Variants in HHIPL1 observed in about 807,000 individuals in gnomAD.
HHIPL1 encodes HHIP like 1, also known as HHIP-like protein 1.
HHIPL1 carries 43 observed loss-of-function variants against 61.8 expected under a neutral mutation model. The ratio of observed to expected loss-of-function variants is 0.70; its 90% CI spans 0.55 to 0.90. The LOEUF (loss-of-function observed/expected upper bound fraction) is 0.90. Ranked by LOEUF, HHIPL1 falls within the 40% of genes least tolerant of loss-of-function variation. The probability of loss-of-function intolerance (pLI) is 0.00; values close to 1 mark genes in which losing one functional copy is unlikely to be tolerated. For synonymous variants in HHIPL1, 482 were observed against 515.8 expected, an observed-to-expected ratio of 0.93 and a Z score of 0.89; for missense variants, 1,056 against 1,157.7, an observed-to-expected ratio of 0.91 and a Z score of 1.28.
the HHIPL1 span, among the ~76,000 whole-genome samples, chr14:99,619,359 G>T: frequency 6.6e-6 from 1 of 151,968 alleles, no homozygotes; most frequent in Non-Finnish European, 1.5e-5. Flanking sequence ...CTACTTGGGA[G>T]GCTGAGGCAG....
chr14:99,619,169 T>G, the HHIPL1 span, among the ~76,000 whole-genome samples: 1 of 152,050 alleles, frequency 6.6e-6, no homozygotes, highest in East Asian at 1.9e-4. Context: ...GACTTAGAGT[T>G]GGCCGGGCAC....
In HHIPL1 at chr14:99,645,206, C is replaced by G; in HGVS notation, c.-2C>G. On this transcript the variant is annotated 5_prime_UTR_variant, in exon 1 of 9. Transcript: ENST00000330710. Reference sequence around the variant, plus strand: ...CCGCCTCTTCCCCCGCGGGGCGTAGCGATGGCCCGGGCCAGGGCCGGGGCG... The same window carrying G: ...CCGCCTCTTCCCCCGCGGGGCGTAGGGATGGCCCGGGCCAGGGCCGGGGCG... 7.8e-7 allele frequency: 1 copy of G among 1,282,696 alleles called. No individual in the cohort carries two copies. Among genetic ancestry groups the G allele is most frequent in the Non-Finnish European group, 9.8e-7 (1 of 1,015,710 alleles). The allele number at this position is 1,282,696 out of a possible 1,614,324, so 79.5% of individuals were successfully genotyped here. A position where few individuals can be genotyped will look rare whatever the true frequency, so the allele number is the denominator to read the frequency against.
the HHIPL1 span, among the ~76,000 whole-genome samples, chr14:99,634,228 C>G: frequency 6.6e-6 from 1 of 152,256 alleles, no homozygotes; most frequent in African/African-American, 2.4e-5. Flanking sequence ...GTGTGCACTT[C>G]TATTGAGGCT....
chr14:99,612,902 G>A, the HHIPL1 span, among the ~76,000 whole-genome samples: 1 of 152,134 alleles, frequency 6.6e-6, no homozygotes, highest in Non-Finnish European at 1.5e-5. Flanking sequence ...ACCTCACAAA[G>A]CCGCCCCACC....
At chr14:99,667,872 C>T (rs35752324) in intron 6 of HHIPL1, among the ~76,000 whole-genome samples, 21,415 of 152,108 alleles carry the variant, frequency 0.14, 1,779 homozygotes, top group East Asian at 0.28. Context: ...CCCTCATGTG[C>T]GCCCAGAGGT....
At chr14:99,661,266 C>T (rs2056146631) in intron 5 of HHIPL1, among the ~76,000 whole-genome samples, 1 of 152,116 alleles carries the variant, frequency 6.6e-6, no homozygotes, top group Admixed American at 6.6e-5. Context: ...CTTCACCTTT[C>T]CTTATCTTCA....
Position 99,668,148 on chromosome 14 carries a change from C to T in HHIPL1, c.1649-74C>T, listed in dbSNP as rs73348577. 7.9e-6 allele frequency: 7 copies of T among 882,838 alleles called. No individual in the cohort carries two copies. The highest frequency in any genetic ancestry group is 2.4e-4 in the Middle Eastern group (1 of 4,100). The allele number at this position is 882,838 out of a possible 1,614,324, so 54.7% of individuals were successfully genotyped here. A position where few individuals can be genotyped will look rare whatever the true frequency, so the allele number is the denominator to read the frequency against. Reference sequence around the variant, plus strand: ...GTCTATTTCCAAGCCTGCAGGGAGCCGGGTGGTGAGGCGGGGCTGGCTGGG... The same window carrying T: ...GTCTATTTCCAAGCCTGCAGGGAGCTGGGTGGTGAGGCGGGGCTGGCTGGG... On this transcript the variant is annotated intron_variant, in intron 6 of 8. Transcript: ENST00000330710. This position sits in a 1 kb window ranked among gnomAD's most constrained non-coding sequence, Gnocchi z 4.7.
chr14:99,667,564 A>G (rs923555973), intron 6 of HHIPL1, among the ~76,000 whole-genome samples: 7 of 152,060 alleles, frequency 4.6e-5, no homozygotes, highest in African/African-American at 1.7e-4. Flanking sequence ...TGGAGATCAC[A>G]GGGGGCCAAG....
At chr14:99,628,948 A>G in the HHIPL1 span, among the ~76,000 whole-genome samples, 2 of 152,214 alleles carry the variant, frequency 1.3e-5, no homozygotes, top group South Asian at 4.1e-4. Flanking sequence ...CCTGCCTCCG[A>G]GGAGCCTCCC....
the HHIPL1 span, among the ~76,000 whole-genome samples, chr14:99,634,892 C>T: frequency 1.3e-5 from 2 of 152,136 alleles, no homozygotes; most frequent in African/African-American, 4.8e-5. Flanking sequence ...CTTCCTCTGA[C>T]AGGAAACTTC....
chr14:99,605,298 C>G, the HHIPL1 span, among the ~76,000 whole-genome samples: 1 of 151,824 alleles, frequency 6.6e-6, no homozygotes, highest in African/African-American at 2.4e-5. Flanking sequence ...CCCCGGGCTT[C>G]CCACTGCCTG....
the HHIPL1 span, among the ~76,000 whole-genome samples, chr14:99,618,370 G>A: frequency 1.4e-4 from 22 of 152,206 alleles, no homozygotes; most frequent in African/African-American, 2.2e-4. Context: ...GGACTGGTCC[G>A]ATCCTAGAGA....
At position 99,659,760 on chromosome 14, in the gene HHIPL1, AGTGCCCGCGC is replaced by A; in HGVS notation, c.1375+5_1375+14del. 7.4e-7 allele frequency: 1 copy of A among 1,358,872 alleles called. No homozygotes were observed. Among genetic ancestry groups the A allele is most frequent in the East Asian group, 3.0e-5 (1 of 33,454 alleles). The allele number at this position is 1,358,872 out of a possible 1,614,324, so 84.2% of individuals were successfully genotyped here. On this transcript the variant is annotated splice_donor_5th_base_variant and intron_variant, in intron 4 of 8. Transcript: ENST00000330710. ...CTGTGCGCCAACACCTCTCTCAGTG[AGTGCCCGCGC>A]CCCGGGGACCCCGGCCCCGAATCCG...
At chr14:99,669,416 T>A in intron 7 of HHIPL1, 1 of 802,112 alleles carries the variant, frequency 1.2e-6, no homozygotes, top group Non-Finnish European at 1.5e-6. Flanking sequence ...AATCCACACC[T>A]TTGGCAGACT....
chr14:99,650,127 T>G (rs2055902232), intron 1 of HHIPL1, among the ~76,000 whole-genome samples: 1 of 152,212 alleles, frequency 6.6e-6, no homozygotes, highest in South Asian at 2.1e-4. Flanking sequence ...CAGGAGGACA[T>G]GCTGTGGTAT....
the HHIPL1 span, among the ~76,000 whole-genome samples, chr14:99,623,403 G>A: frequency 6.6e-6 from 1 of 152,150 alleles, no homozygotes; most frequent in Admixed American, 6.5e-5. Flanking sequence ...GTGCAGTTGA[G>A]ATGACAATAG....
chr14:99,619,102 C>T, the HHIPL1 span, among the ~76,000 whole-genome samples: 1 of 152,092 alleles, frequency 6.6e-6, no homozygotes, highest in Admixed American at 6.5e-5. Flanking sequence ...ACTATCCCTC[C>T]CGACACCCCG....
chr14:99,636,430 A>G, the HHIPL1 span, among the ~76,000 whole-genome samples: 1 of 152,176 alleles, frequency 6.6e-6, no homozygotes, highest in African/African-American at 2.4e-5. Flanking sequence ...TCTTTAATAA[A>G]TGCCCATTTC....
Position 99,675,003 on chromosome 14 carries a change from G to A in HHIPL1, c.1814-88G>A, listed in dbSNP as rs771252453. 6.3e-5 allele frequency: 44 copies of A among 699,638 alleles called. No individual in the cohort carries two copies. In the South Asian group the frequency reaches 8.5e-4, roughly 13 times the overall value. The allele number at this position is 699,638 out of a possible 1,614,324, so 43.3% of individuals were successfully genotyped here. A position where few individuals can be genotyped will look rare whatever the true frequency, so the allele number is the denominator to read the frequency against. ...ATCCTTCCCCGAGTCTGCGCTCTCC[G>A]CACAGGTTGCAGGGCAGCACAGGGT... On this transcript the variant is annotated intron_variant, in intron 8 of 8. Transcript: ENST00000330710. The surrounding 1 kb of genome is among the most constrained non-coding windows in gnomAD (Gnocchi z 5.4).
Sources: gnomAD v4.1 joint callset for allele counts (sites outside exome capture counted in the v4.1 genomes callset) on GRCh38, gnomAD v4.1.1 for gene constraint, Gnocchi (gnomAD v3.1) non-coding constraint, MANE v1.5 for transcripts, NCBI Gene and HGNC (gene_info 2026-07-23, HGNC 2026-07-21) for gene names.